The following PLCB1 variants were observed in gnomAD, a reference collection of about 807,000 sequenced individuals.
PLCB1 encodes the protein phospholipase C beta 1, also known as 1-phosphatidylinositol 4,5-bisphosphate phosphodiesterase beta-1.
PLCB1 carries 46 observed loss-of-function variants against 161.8 expected under a neutral mutation model. The ratio of observed to expected loss-of-function variants is 0.28; its 90% CI spans 0.22 to 0.36. The LOEUF is 0.36. Ranked by LOEUF, PLCB1 falls within the 10% of genes least tolerant of loss-of-function variation. The pLI, the probability that PLCB1 is intolerant of heterozygous loss-of-function variation, is 1.00. For synonymous variants in PLCB1, 517 were observed against 503.7 expected (o/e 1.03, Z -0.35); for missense variants, 1,016 against 1,472.5 (o/e 0.69, Z 5.07).
At chr20:8,143,347 T>C (rs13041008) in intron 1 of PLCB1, among the ~76,000 whole-genome samples, 11,079 of 152,242 alleles carry the variant, frequency 0.073, 515 homozygotes, top group Non-Finnish European at 0.099. Flanking sequence ...CCAACTGATG[T>C]TTTTCAGAAT....
chr20:8,488,785 C>G (rs753892836), intron 3 of PLCB1, among the ~76,000 whole-genome samples: 36 of 152,154 alleles, frequency 2.4e-4, no homozygotes, highest in South Asian at 8.3e-4. Context: ...CATTAGGTAA[C>G]TATTTTGTTT....
intron 23 of PLCB1, among the ~76,000 whole-genome samples, chr20:8,749,065 G>T: frequency 6.6e-6 from 1 of 152,192 alleles, no homozygotes. Flanking sequence ...CAAGCTTCCA[G>T]GTGATGCTTA....
At chr20:8,471,028 T>C (rs1437205189) in intron 3 of PLCB1, among the ~76,000 whole-genome samples, 3 of 152,178 alleles carry the variant, frequency 2.0e-5, no homozygotes, top group African/African-American at 7.2e-5. Context: ...GTTTTACCAA[T>C]TATGAACAGG....
chr20:8,303,008 G>A (rs1983978002), intron 2 of PLCB1, among the ~76,000 whole-genome samples: 1 of 152,204 alleles, frequency 6.6e-6, no homozygotes, highest in Non-Finnish European at 1.5e-5. Context: ...CTGTGAGGTA[G>A]GGATCAATGA....
chr20:8,605,610 CT>C (rs74685527), intron 3 of PLCB1, among the ~76,000 whole-genome samples: 13,568 of 88,236 alleles, frequency 0.15, 899 homozygotes, highest in African/African-American at 0.27. Context: ...TTGGTGTTTT[CT>C]TTTTTTTTTT....
At chr20:8,792,538 TC>T (rs751821950) in intron 31 of PLCB1, 29 of 470,912 alleles carry the variant, frequency 6.2e-5, no homozygotes, top group Non-Finnish European at 1.1e-4. Context: ...CTGAAGTGTT[TC>T]TATGAATTTT....
Position 8,133,375 on chromosome 20 carries a change from C to G in PLCB1, c.99+625C>G, listed in dbSNP as rs534598787. ...GGGGAGGGCGTGAACAGAATGGGGG[C>G]CCTTGAGGGGTCCTGGAGGGCTCAT... On this transcript the variant is annotated intron_variant, in intron 1 of 31. Coordinates refer to ENST00000338037, the MANE Select transcript of PLCB1 (RefSeq NM_015192.4). 2.0e-5 allele frequency among the ~76,000 whole-genome samples: 3 copies of G among 152,042 alleles called. No homozygotes were observed. The South Asian group carries it at 6.2e-4, about 32-fold the overall frequency.
At chr20:8,834,810 GAAAAAAAAAAAAAAA>G (rs10568816) in intron 31 of PLCB1, among the ~76,000 whole-genome samples, 4 of 85,602 alleles carry the variant, frequency 4.7e-5, no homozygotes, top group Non-Finnish European at 6.8e-5. Flanking sequence ...CTCTGCCTCA[GAAAAAAAAAAAAAAA>G]AAAAAAAAAA....
chr20:8,816,720 G>A (rs1985102508), intron 31 of PLCB1, among the ~76,000 whole-genome samples: 5 of 152,172 alleles, frequency 3.3e-5, no homozygotes, highest in Admixed American at 1.3e-4. Context: ...TTAGGGAGGT[G>A]GCCAAAGGGT....
In PLCB1 at chr20:8,629,885, CTT is replaced by C. The variant is rs1357891938; in HGVS notation, c.384+1456_384+1457del. 3.9e-4 allele frequency among the ~76,000 whole-genome samples: 45 copies of C among 114,028 alleles called. No homozygotes were observed. In the South Asian group the frequency reaches 6.3e-3, roughly 16 times the overall value. 74.8% of individuals were successfully genotyped at this position (114,028 alleles called of 152,430 possible). On this transcript the variant is annotated intron_variant, in intron 4 of 31. Transcript: ENST00000338037. ...TCTTTCTTTCTTTCTTTCTCTCTCT[CTT>C]TCTTTTCTTTCTTTCTTTCTCTTTC...
At chr20:8,230,320 T>C (rs1046325098) in intron 2 of PLCB1, among the ~76,000 whole-genome samples, 6 of 152,164 alleles carry the variant, frequency 3.9e-5, no homozygotes, top group African/African-American at 1.4e-4. Context: ...ACCTGATCTT[T>C]TGGTACATGC....
chr20:8,169,134 G>A (rs530384872), intron 2 of PLCB1, among the ~76,000 whole-genome samples: 1 of 152,202 alleles, frequency 6.6e-6, no homozygotes, highest in Non-Finnish European at 1.5e-5. Flanking sequence ...GGGAAGGAAG[G>A]CCATTACCTA....
intron 31 of PLCB1, among the ~76,000 whole-genome samples, chr20:8,847,103 A>G (rs1986716447): frequency 6.6e-6 from 1 of 152,194 alleles, no homozygotes. Flanking sequence ...AAGCTACCCA[A>G]GTGATTCTAA....
chr20:8,237,773 A>T (rs1228901557), intron 2 of PLCB1, among the ~76,000 whole-genome samples: 2 of 152,094 alleles, frequency 1.3e-5, no homozygotes, highest in Non-Finnish European at 2.9e-5. Flanking sequence ...CAACCATGGG[A>T]TTAATTAGCT....
intron 31 of PLCB1, among the ~76,000 whole-genome samples, chr20:8,839,892 G>A (rs530634757): frequency 3.4e-4 from 51 of 152,102 alleles, no homozygotes; most frequent in African/African-American, 1.0e-3. Flanking sequence ...TTATCTGGGC[G>A]TGGTGGCACA....
chr20:8,465,491 G>A (rs543848035), intron 3 of PLCB1, among the ~76,000 whole-genome samples: 2 of 152,066 alleles, frequency 1.3e-5, no homozygotes, highest in South Asian at 2.1e-4. Context: ...GATCTCTAGT[G>A]AGACTCCCCA....
chr20:8,451,266 A>G (rs1981063174), intron 3 of PLCB1, among the ~76,000 whole-genome samples: 1 of 152,240 alleles, frequency 6.6e-6, no homozygotes, highest in African/African-American at 2.4e-5. Flanking sequence ...GTTCAAAGGA[A>G]AAAATAACAA....
At chr20:8,761,669 C>T (rs1418585532) in intron 25 of PLCB1, among the ~76,000 whole-genome samples, 1 of 152,056 alleles carries the variant, frequency 6.6e-6, no homozygotes, top group Non-Finnish European at 1.5e-5. Context: ...CAAGCACGTG[C>T]CACCACACCC....
intron 3 of PLCB1, among the ~76,000 whole-genome samples, chr20:8,525,158 G>GA (rs11475971): frequency 8.6e-5 from 13 of 151,220 alleles, no homozygotes; most frequent in Admixed American, 7.2e-4. Context: ...GGAGAAGGGG[G>GA]AAAAAAAAAG....
Sources: allele counts gnomAD v4.1 joint callset (sites outside exome capture counted in the v4.1 genomes callset), GRCh38; gene constraint gnomAD v4.1.1; transcripts MANE v1.5; gene names NCBI Gene and HGNC (gene_info 2026-07-23, HGNC 2026-07-21).